The following BTBD9 variants were observed in gnomAD, a reference collection of about 807,000 sequenced individuals.
The protein encoded by BTBD9 is BTB/POZ domain-containing protein 9.
BTBD9 carries 49 observed loss-of-function variants against 64.3 expected under a neutral mutation model. The observed-to-expected ratio is 0.76, with a 90% confidence interval of 0.61 to 0.97. BTBD9 has a LOEUF of 0.97. Ranked by LOEUF, BTBD9 falls within the 50% of genes least tolerant of loss-of-function variation. The probability of loss-of-function intolerance (pLI) is 0.00; values close to 1 mark genes in which losing one functional copy is unlikely to be tolerated. For missense variants in BTBD9, 598 were observed against 762.1 expected, an observed-to-expected ratio of 0.78 and a Z score of 2.53; for synonymous variants, 260 against 274.7, an observed-to-expected ratio of 0.95 and a Z score of 0.53.
intron 7 of BTBD9, among the ~76,000 whole-genome samples, chr6:38,318,408 G>A (rs913380456): frequency 6.6e-6 from 1 of 152,160 alleles, no homozygotes; most frequent in Non-Finnish European, 1.5e-5. Flanking sequence ...TTCTTGGGAA[G>A]GTTTTCCAGG....
chr6:38,445,631 A>T (rs1315077829), intron 6 of BTBD9, among the ~76,000 whole-genome samples: 1 of 152,268 alleles, frequency 6.6e-6, no homozygotes, highest in Non-Finnish European at 1.5e-5. Flanking sequence ...TTGTTAAAAA[A>T]ATATTCTTTT....
At chr6:38,230,750 A>C (rs955190907) in intron 9 of BTBD9, among the ~76,000 whole-genome samples, 1 of 152,092 alleles carries the variant, frequency 6.6e-6, no homozygotes. Context: ...CAGGGCCTTA[A>C]CTATTCCTTA....
At chr6:38,256,569 C>T in intron 8 of BTBD9, 53 bp from the exon 9 acceptor site, 3 of 1,370,416 alleles carry the variant, frequency 2.2e-6, no homozygotes, top group South Asian at 2.4e-5. Context: ...CTGGTTGTTT[C>T]TTTAGGTTGT....
chr6:38,210,600 G>C (rs899076279), intron 9 of BTBD9, among the ~76,000 whole-genome samples: 2 of 150,204 alleles, frequency 1.3e-5, no homozygotes, highest in Non-Finnish European at 2.9e-5. Flanking sequence ...AAGAGTTTTT[G>C]TGTAGTACAG....
intron 7 of BTBD9, among the ~76,000 whole-genome samples, chr6:38,343,547 T>C (rs551277698): frequency 2.0e-5 from 3 of 152,108 alleles, no homozygotes; most frequent in East Asian, 3.9e-4. Flanking sequence ...CTACAGTCTA[T>C]GGAAGAGCCT....
chr6:38,560,832 G>A (rs1384857075), intron 6 of BTBD9, among the ~76,000 whole-genome samples: 3 of 152,088 alleles, frequency 2.0e-5, no homozygotes, highest in Admixed American at 6.6e-5. Context: ...AACATACAGC[G>A]TTTGGTTTTC....
At chr6:38,480,774 T>A (rs1426923882) in intron 6 of BTBD9, among the ~76,000 whole-genome samples, 1 of 152,146 alleles carries the variant, frequency 6.6e-6, no homozygotes, top group Non-Finnish European at 1.5e-5. Context: ...TCTGAGTGGA[T>A]GATTCCAGTG....
chr6:38,278,343 ATTAT>A (rs1761370199), intron 8 of BTBD9, among the ~76,000 whole-genome samples: 2 of 152,250 alleles, frequency 1.3e-5, no homozygotes, highest in South Asian at 4.1e-4. Flanking sequence ...TCTTAATGAG[ATTAT>A]TTGTTATTTG....
chr6:38,299,655 CT>C (rs1421450998), intron 7 of BTBD9, among the ~76,000 whole-genome samples: 1 of 152,178 alleles, frequency 6.6e-6, no homozygotes, highest in Non-Finnish European at 1.5e-5. Flanking sequence ...TAAATATCTT[CT>C]TTTGAGAAGT....
chr6:38,435,584 TTTC>T (rs1768678076), intron 6 of BTBD9, among the ~76,000 whole-genome samples: 1 of 130,124 alleles, frequency 7.7e-6, no homozygotes. Flanking sequence ...TCCTTCCTTC[TTTC>T]TTTTCTTTTC....
chr6:38,466,430 T>C (rs1209719696), intron 6 of BTBD9, among the ~76,000 whole-genome samples: 3 of 151,740 alleles, frequency 2.0e-5, no homozygotes, highest in Non-Finnish European at 2.9e-5. Flanking sequence ...TAGCTGAGAC[T>C]ATAGGCATGT....
At chr6:38,505,837 C>A (rs780910366) in intron 6 of BTBD9, among the ~76,000 whole-genome samples, 1 of 151,322 alleles carries the variant, frequency 6.6e-6, no homozygotes, top group African/African-American at 2.4e-5. Flanking sequence ...TGGTGGCATG[C>A]GTCTGTAGTC....
intron 7 of BTBD9, among the ~76,000 whole-genome samples, chr6:38,323,347 T>C (rs1209329670): frequency 6.6e-6 from 1 of 152,154 alleles, no homozygotes; most frequent in African/African-American, 2.4e-5. Flanking sequence ...AGAACTCAGT[T>C]TTCCTCTAGA....
rs781580250 is a variant in BTBD9, at chr6:38,597,987, G to A, written c.108C>T (p.Gly36=). The A allele has an allele frequency of 1.6e-5, 26 of 1,613,772 alleles. No homozygotes were observed. The highest frequency in any genetic ancestry group is 4.5e-5 in the East Asian group (2 of 44,890). The change falls in exon 2 of 11, where the codon GGC becomes GGT. Residue 36 remains glycine, a synonymous_variant. Coordinates refer to ENST00000481247, the MANE Select transcript of BTBD9 (RefSeq NM_001099272.2). The part of the protein sequence containing the change: ...IGALLIGEEY[G]DVTFVVEKKR... ...TCTTTTCCACCACGAATGTGACGTC[G>A]CCATATTCTTCCCCAATCAACAAGG...
intron 6 of BTBD9, among the ~76,000 whole-genome samples, chr6:38,526,232 A>C (rs1413536237): frequency 6.6e-6 from 1 of 152,244 alleles, no homozygotes; most frequent in Non-Finnish European, 1.5e-5. Flanking sequence ...GCCAAGGTAC[A>C]GCTTGGGCTG....
intron 7 of BTBD9, among the ~76,000 whole-genome samples, chr6:38,341,150 C>T (rs549125809): frequency 2.6e-5 from 4 of 152,254 alleles, no homozygotes; most frequent in African/African-American, 7.2e-5. Flanking sequence ...CAGCTATTTG[C>T]CTAATATGGA....
intron 6 of BTBD9, among the ~76,000 whole-genome samples, chr6:38,440,621 T>C (rs1440230482): frequency 3.3e-5 from 5 of 152,202 alleles, no homozygotes; most frequent in Non-Finnish European, 4.4e-5. Context: ...TCCCTTACAA[T>C]TGTAAAAAGC....
rs1459487006 is a variant in BTBD9 at position 38,182,488 on chromosome 6, TGATA to T, written c.1642-7310_1642-7307del. Reference sequence around the variant, plus strand: ...TCTGGGATGCCTGAATCTCCCCACCTGATAGATGTGGCCTCACCAGGGCCCCCTT... The same window carrying T: ...TCTGGGATGCCTGAATCTCCCCACCTGATGTGGCCTCACCAGGGCCCCCTT... On this transcript the variant is annotated intron_variant, in intron 10 of 10. Transcript: ENST00000481247. Among the ~76,000 whole-genome samples the T allele has an allele frequency of 2.0e-5, 3 of 152,324 alleles. No individual in the cohort carries two copies. The South Asian group carries it at 6.2e-4, about 32-fold the overall frequency.
rs142567094 is a variant in BTBD9, at chr6:38,435,478, G to A, written c.1155-90385C>T. ...AAAAGAAAAGCATGGTTAAAGTTTTGTTCTTAAAAAAAGTCTAGAACACAC... is the reference window on the plus strand; with the variant it reads ...AAAAGAAAAGCATGGTTAAAGTTTTATTCTTAAAAAAAGTCTAGAACACAC... On this transcript the variant is annotated intron_variant, in intron 6 of 10. Transcript: ENST00000481247. Among the ~76,000 whole-genome samples the A allele has an allele frequency of 1.4e-4, 21 of 151,686 alleles. No homozygotes were observed. The Middle Eastern group carries it at 0.01, about 74-fold the overall frequency.
Sources: allele counts gnomAD v4.1 joint callset (sites outside exome capture counted in the v4.1 genomes callset), GRCh38; gene constraint gnomAD v4.1.1; transcripts MANE v1.5; gene names NCBI Gene and HGNC (gene_info 2026-07-23, HGNC 2026-07-21).